SLC28A1: variants seen among roughly 807,000 people sequenced by gnomAD.
The protein encoded by SLC28A1 is sodium/nucleoside cotransporter 1.
A neutral mutation model predicts 74.8 loss-of-function variants in SLC28A1; 64 were observed. The ratio of observed to expected loss-of-function variants is 0.86; its 90% CI spans 0.70 to 1.05. SLC28A1 has a LOEUF of 1.05. Ranked by LOEUF, SLC28A1 falls within the 50% of genes least tolerant of loss-of-function variation. The pLI is 0.00. For missense variants in SLC28A1, 828 were observed against 822.8 expected (o/e 1.01, Z -0.08); for synonymous variants, 359 against 335.0 (o/e 1.07, Z -0.78).
At chr15:84,926,154 TA>T (rs1227475132) in intron 12 of SLC28A1, among the ~76,000 whole-genome samples, 2 of 150,338 alleles carry the variant, frequency 1.3e-5, no homozygotes, top group Non-Finnish European at 3.0e-5. Context: ...ATAGAGCAAT[TA>T]AAAATATTTA....
intron 9 of SLC28A1, among the ~76,000 whole-genome samples, chr15:84,910,331 G>A (rs901657819): frequency 4.6e-5 from 7 of 152,230 alleles, no homozygotes; most frequent in African/African-American, 1.7e-4. Flanking sequence ...CATAACCAAT[G>A]CGGGGGTACC....
At chr15:84,940,873 C>G (rs966174583) in intron 15 of SLC28A1, 4 of 178,002 alleles carry the variant, frequency 2.2e-5, no homozygotes, top group African/African-American at 9.5e-5. Context: ...GCTGGAACTT[C>G]TTTTTTGTTT....
At chr15:84,963,959 A>G in the SLC28A1 span, among the ~76,000 whole-genome samples, 1 of 152,186 alleles carries the variant, frequency 6.6e-6, no homozygotes, top group African/African-American at 2.4e-5. Context: ...GCTGCTCCAG[A>G]CGCTTGACCA....
chr15:84,902,454 T>G (rs555943533), intron 6 of SLC28A1, among the ~76,000 whole-genome samples: 1 of 148,462 alleles, frequency 6.7e-6, no homozygotes, highest in East Asian at 2.0e-4. Flanking sequence ...CACTGCAGCT[T>G]GAGCAATGGA....
At chr15:84,975,158 C>T in the SLC28A1 span, among the ~76,000 whole-genome samples, 1 of 152,212 alleles carries the variant, frequency 6.6e-6, no homozygotes, top group African/African-American at 2.4e-5. Context: ...CAACATAGTA[C>T]TCAGCACTTA....
In SLC28A1 at chr15:84,884,666, G is replaced by A. The variant is rs915770642; in HGVS notation, c.-218G>A. On this transcript the variant is annotated 5_prime_UTR_variant, in exon 1 of 19. Transcript: ENST00000394573. ...TGTTGTAGAGATTAGGGCCCACAAC[G>A]ATGTGAAGGTTATAAGCTGCACTGC... The A allele has an allele frequency of 2.3e-5, 22 of 977,296 alleles. No individual in the cohort carries two copies. The highest frequency in any genetic ancestry group is 2.6e-5 in the Non-Finnish European group (21 of 822,408). The allele number at this position is 977,296 out of a possible 1,614,324, so 60.5% of individuals were successfully genotyped here. A position where few individuals can be genotyped will look rare whatever the true frequency, so the allele number is the denominator to read the frequency against.
rs1010831369 is a variant in SLC28A1, at chr15:84,888,757, C to T, written c.97-15C>T. 1.4e-5 allele frequency: 22 copies of T among 1,545,570 alleles called. No homozygotes were observed. The highest frequency in any genetic ancestry group is 2.7e-5 in the African/African-American group (2 of 72,948). On this transcript the variant is annotated splice_polypyrimidine_tract_variant and intron_variant, in intron 3 of 18. Transcript: ENST00000394573. ...TAAGGGGCAGGCCGACCTGACGGCT[C>T]CCTGCGGGCTGTAGGAGGAAGGCCA...
At chr15:84,920,559 G>A (rs1323961086) in intron 10 of SLC28A1, among the ~76,000 whole-genome samples, 1 of 152,138 alleles carries the variant, frequency 6.6e-6, no homozygotes, top group African/African-American at 2.4e-5. Context: ...GTTAGTAAAT[G>A]TTACCAGGTA....
At chr15:84,889,056 C>T (rs1005367634) in intron 4 of SLC28A1, among the ~76,000 whole-genome samples, 196 bp downstream of exon 4, 2 of 152,176 alleles carry the variant, frequency 1.3e-5, no homozygotes, top group Non-Finnish European at 2.9e-5. Context: ...TCCCCACCTG[C>T]TTTTGAACAG....
At chr15:84,952,256 T>C in the SLC28A1 span, among the ~76,000 whole-genome samples, 1 of 152,192 alleles carries the variant, frequency 6.6e-6, no homozygotes, top group Non-Finnish European at 1.5e-5. Context: ...TGGAGCAGTT[T>C]TCTCATCCTC....
chr15:84,946,080 A>C (rs373971827), downstream of SLC28A1, among the ~76,000 whole-genome samples: 2 of 46,922 alleles, frequency 4.3e-5, no homozygotes, highest in East Asian at 6.9e-4. Flanking sequence ...ATGTGTGTGT[A>C]TGTTCATATA....
At chr15:84,946,106 ATATATATTTTTTTT>A (rs1567196430), downstream of SLC28A1, among the ~76,000 whole-genome samples, 20 of 11,356 alleles carry the variant, frequency 1.8e-3, 1 homozygote, top group African/African-American at 5.9e-3. Context: ...ATATATATAT[ATATATATTTTTTTT>A]TTTTTTTTTT....
At chr15:84,946,112 A>ATATATATTTATTTTTT (rs57190791), downstream of SLC28A1, among the ~76,000 whole-genome samples, 1 of 13,482 alleles carries the variant, frequency 7.4e-5, no homozygotes, top group East Asian at 5.2e-3. Context: ...ATATATATAT[A>ATATATATTTATTTTTT]TTTTTTTTTT....
At chr15:84,939,005 T>C (rs1402725738) in intron 15 of SLC28A1, among the ~76,000 whole-genome samples, 1 of 152,010 alleles carries the variant, frequency 6.6e-6, no homozygotes. Flanking sequence ...TCACTGAAGA[T>C]TTGACATTTT....
At chr15:84,904,022 C>G (rs1966851996) in intron 6 of SLC28A1, 75 bp from the exon 7 acceptor site, 1 of 1,593,780 alleles carries the variant, frequency 6.3e-7, no homozygotes, top group Non-Finnish European at 8.6e-7. Flanking sequence ...TTCTCTGGGT[C>G]CCCGGGTGCT....
intron 9 of SLC28A1, among the ~76,000 whole-genome samples, chr15:84,912,806 G>GCGCGCGCACACACA (rs764101004): frequency 5.3e-5 from 6 of 112,200 alleles, no homozygotes; most frequent in African/African-American, 2.0e-4. Flanking sequence ...TTGCGCGCGC[G>GCGCGCGCACACACA]CACACACACA....
At chr15:84,887,931 GC>G (rs1050958312) in intron 3 of SLC28A1, 75 bp downstream of exon 3, 8 of 1,074,812 alleles carry the variant, frequency 7.4e-6, no homozygotes, top group Non-Finnish European at 1.2e-5. Context: ...AGGTGATGAG[GC>G]TTTTGCTCAC....
the SLC28A1 span, among the ~76,000 whole-genome samples, chr15:84,956,442 C>CCTTTCTTTCTTTCTTTCTTT: frequency 8.0e-6 from 1 of 124,568 alleles, no homozygotes; most frequent in Non-Finnish European, 1.6e-5. Context: ...TTCCTTCCTT[C>CCTTTCTTTCTTTCTTTCTTT]CTTTCTTTCT....
rs1971509147 is a variant in SLC28A1 at position 84,933,209 on chromosome 15, A to G, written c.1148A>G (p.Lys383Arg). 2 of 1,613,646 alleles carry G rather than the reference A, an allele frequency of 1.2e-6. No individual in the cohort carries two copies. The highest frequency in any genetic ancestry group is 2.7e-5 in the African/African-American group (2 of 74,838). Residue 383 changes from lysine (K) to arginine (R), a missense_variant, in exon 13 of 19, where the codon AAG (lysine) becomes AGG (arginine). Coordinates refer to ENST00000394573, the MANE Select transcript of SLC28A1 (RefSeq NM_004213.5). ...MAAPCALALS[K>R]LVYPEVEESK... is the part of the protein sequence containing the mutation. ...GCCCCTTGTGCCTTGGCCCTCTCCAAGCTGGTCTACCCGGAGGTGGAGGAG... is the reference window on the plus strand; with the variant it reads ...GCCCCTTGTGCCTTGGCCCTCTCCAGGCTGGTCTACCCGGAGGTGGAGGAG...
Sources: allele counts gnomAD v4.1 joint callset (sites outside exome capture counted in the v4.1 genomes callset), GRCh38; gene constraint gnomAD v4.1.1; transcripts MANE v1.5; gene names NCBI Gene and HGNC (gene_info 2026-07-23, HGNC 2026-07-21).